KCNH7: variants seen among roughly 807,000 people sequenced by gnomAD.
KCNH7 encodes the protein voltage-gated inwardly rectifying potassium channel KCNH7.
KCNH7 carries 49 observed loss-of-function variants against 120.8 expected under a neutral mutation model. The ratio of observed to expected loss-of-function variants is 0.41; its 90% CI spans 0.32 to 0.51. The LOEUF (loss-of-function observed/expected upper bound fraction) is 0.51, where lower values mean the gene tolerates loss of function less well. Ranked by LOEUF, KCNH7 falls within the 20% of genes least tolerant of loss-of-function variation. The pLI is 0.38. For synonymous variants in KCNH7, 547 were observed against 516.1 expected (o/e 1.06, Z -0.81); for missense variants, 1,097 against 1,446.6 (o/e 0.76, Z 3.92).
intron 2 of KCNH7, among the ~76,000 whole-genome samples, chr2:162,617,669 T>C (rs1683198574): frequency 6.6e-6 from 1 of 152,064 alleles, no homozygotes; most frequent in Non-Finnish European, 1.5e-5. Context: ...CAGAAATTGT[T>C]TGGAGAAAAA....
chr2:162,730,146 G>T (rs796731576), intron 2 of KCNH7, among the ~76,000 whole-genome samples: 16 of 149,680 alleles, frequency 1.1e-4, no homozygotes, highest in African/African-American at 3.7e-4. Flanking sequence ...AGAAGATGTC[G>T]AATGAAAAAA....
intron 2 of KCNH7, chr2:162,796,795 G>C (rs1429859487): frequency 1.3e-5 from 2 of 151,774 alleles, no homozygotes; most frequent in Non-Finnish European, 2.9e-5. Flanking sequence ...ATATTTGTTT[G>C]TTGGCCATAC....
intron 2 of KCNH7, among the ~76,000 whole-genome samples, chr2:162,752,905 A>AAAAGAAAAGAAATGAAAAGAAAAG (rs1559116043): frequency 3.8e-5 from 1 of 26,086 alleles, no homozygotes; most frequent in Non-Finnish European, 8.5e-5. Flanking sequence ...CATCTCAGAA[A>AAAAGAAAAGAAATGAAAAGAAAAG]AAGAAAAGAA....
chr2:162,565,793 A>C (rs1281746680), intron 2 of KCNH7, among the ~76,000 whole-genome samples: 1 of 152,154 alleles, frequency 6.6e-6, no homozygotes, highest in Non-Finnish European at 1.5e-5. Flanking sequence ...TTTGAGAGCA[A>C]GTTAGTGGCT....
In KCNH7 at chr2:162,584,348, T is replaced by C. The variant is rs567017899; in HGVS notation, c.308-47268A>G. The stretch of plus-strand genomic sequence containing the variant: ...TCGCAGTTTCAATATGGTTAAATAA[T>C]TATTATAGAGCATTATCTAATCCCC... On this transcript the variant is annotated intron_variant, in intron 2 of 15. Transcript: ENST00000332142. 5.3e-5 allele frequency among the ~76,000 whole-genome samples: 8 copies of C among 152,212 alleles called. No individual in the cohort carries two copies. In the East Asian group the frequency reaches 1.5e-3, roughly 29 times the overall value.
chr2:162,758,540 T>C (rs1463505328), intron 2 of KCNH7, among the ~76,000 whole-genome samples: 1 of 152,098 alleles, frequency 6.6e-6, no homozygotes, highest in Non-Finnish European at 1.5e-5. Context: ...TATATATGTA[T>C]ATATGTGGCT....
At chr2:162,581,234 C>T (rs1427834605) in intron 2 of KCNH7, among the ~76,000 whole-genome samples, 2 of 152,016 alleles carry the variant, frequency 1.3e-5, no homozygotes, top group African/African-American at 4.8e-5. Flanking sequence ...AGACTGAAAC[C>T]AATAGGCAGA....
chr2:162,491,258 G>A (rs1690294743), intron 6 of KCNH7, among the ~76,000 whole-genome samples: 2 of 152,160 alleles, frequency 1.3e-5, no homozygotes, highest in African/African-American at 2.4e-5. Context: ...TTTCCCCCAG[G>A]CATTGTCCCC....
At chr2:162,628,538 G>C (rs1004571953) in intron 2 of KCNH7, among the ~76,000 whole-genome samples, 1 of 151,942 alleles carries the variant, frequency 6.6e-6, no homozygotes, top group Non-Finnish European at 1.5e-5. Flanking sequence ...ATTTCATCAC[G>C]CAGGTATTAA....
intron 3 of KCNH7, among the ~76,000 whole-genome samples, chr2:162,535,483 G>A (rs1692074135): frequency 6.6e-6 from 1 of 151,610 alleles, no homozygotes; most frequent in Non-Finnish European, 1.5e-5. Context: ...AAAGTTACAT[G>A]CCAAGGAGCA....
chr2:162,407,750 C>A (rs1687270330), intron 9 of KCNH7, among the ~76,000 whole-genome samples: 1 of 151,998 alleles, frequency 6.6e-6, no homozygotes, highest in Non-Finnish European at 1.5e-5. Context: ...CAGAACATAA[C>A]CATAGTGGAT....
At chr2:162,543,471 T>C (rs149746870) in intron 2 of KCNH7, among the ~76,000 whole-genome samples, 200 of 152,256 alleles carry the variant, frequency 1.3e-3, no homozygotes, top group African/African-American at 4.7e-3. Context: ...ACTAATCTAA[T>C]TAACACAAAC....
At chr2:162,699,200 T>C (rs182675332) in intron 2 of KCNH7, among the ~76,000 whole-genome samples, 1 of 152,252 alleles carries the variant, frequency 6.6e-6, no homozygotes, top group East Asian at 1.9e-4. Flanking sequence ...ACTGAAATTC[T>C]GTATCCTTTG....
At chr2:162,615,112 G>A (rs913900148) in intron 2 of KCNH7, among the ~76,000 whole-genome samples, 1 of 152,226 alleles carries the variant, frequency 6.6e-6, no homozygotes, top group Middle Eastern at 3.4e-3. Flanking sequence ...TTTCAAGCTA[G>A]CATAGGTATA....
intron 7 of KCNH7, among the ~76,000 whole-genome samples, chr2:162,438,802 T>C (rs1688335168): frequency 6.6e-6 from 1 of 152,198 alleles, no homozygotes; most frequent in South Asian, 2.1e-4. Context: ...ATGCTTAGGA[T>C]TGTAATAACT....
At chr2:162,730,930 TTATAA>T (rs965212927) in intron 2 of KCNH7, among the ~76,000 whole-genome samples, 33 of 152,034 alleles carry the variant, frequency 2.2e-4, no homozygotes, top group Non-Finnish European at 4.9e-4. Context: ...GGATCTATCC[TTATAA>T]TATACACAAA....
chr2:162,674,126 A>G (rs1415311378), intron 2 of KCNH7, among the ~76,000 whole-genome samples: 3 of 151,996 alleles, frequency 2.0e-5, no homozygotes, highest in Non-Finnish European at 2.9e-5. Flanking sequence ...TATACAAGGA[A>G]GGTGGAAAGA....
intron 2 of KCNH7, among the ~76,000 whole-genome samples, chr2:162,753,247 T>G (rs1394436388): frequency 6.6e-6 from 1 of 152,120 alleles, no homozygotes; most frequent in Admixed American, 6.5e-5. Context: ...ATCCCAAATA[T>G]TCCTCACACT....
At chr2:162,434,175 G>A (rs1688162713) in intron 8 of KCNH7, among the ~76,000 whole-genome samples, 1 of 152,006 alleles carries the variant, frequency 6.6e-6, no homozygotes, top group South Asian at 2.1e-4. Flanking sequence ...TGGAGGCTAA[G>A]CATTACGTAC....
Sources: gnomAD v4.1 joint callset for allele counts (sites outside exome capture counted in the v4.1 genomes callset) on GRCh38, gnomAD v4.1.1 for gene constraint, MANE v1.5 for transcripts, NCBI Gene and HGNC (gene_info 2026-07-23, HGNC 2026-07-21) for gene names.